Variants in EDIL3 observed in about 807,000 individuals in gnomAD.
EDIL3 encodes EGF-like repeat and discoidin I-like domain-containing protein 3.
In EDIL3, 37 loss-of-function variants were observed where a neutral mutation model predicts 67.4. The ratio of observed to expected loss-of-function variants is 0.55; its 90% CI spans 0.42 to 0.72. The LOEUF (loss-of-function observed/expected upper bound fraction) is 0.72, where lower values mean the gene tolerates loss of function less well. EDIL3 is among the 30% of genes least tolerant of loss of function. The pLI is 0.00. For missense variants in EDIL3, 527 were observed against 586.3 expected (o/e 0.90, Z 1.04); for synonymous variants, 195 against 196.3 (o/e 0.99, Z 0.05).
At chr5:84,340,908 A>G (rs925609319) in intron 1 of EDIL3, among the ~76,000 whole-genome samples, 6 of 151,644 alleles carry the variant, frequency 4.0e-5, no homozygotes, top group African/African-American at 1.5e-4. Flanking sequence ...TTTGTTGCAT[A>G]CATGCCTCAA....
At chr5:84,364,614 A>C (rs1051433879) in intron 1 of EDIL3, among the ~76,000 whole-genome samples, 1 of 152,112 alleles carries the variant, frequency 6.6e-6, no homozygotes. Flanking sequence ...ATAATCCTAA[A>C]TCTGCACATT....
At chr5:84,261,387 T>C (rs1745220068) in intron 1 of EDIL3, among the ~76,000 whole-genome samples, 1 of 152,208 alleles carries the variant, frequency 6.6e-6, no homozygotes, top group Non-Finnish European at 1.5e-5. Context: ...AATATTGATA[T>C]TTCACTTGTT....
intron 1 of EDIL3, among the ~76,000 whole-genome samples, chr5:84,329,897 G>A (rs1746837159): frequency 6.6e-6 from 1 of 151,980 alleles, no homozygotes; most frequent in South Asian, 2.1e-4. Context: ...GAATTATCAG[G>A]CAACCTGTCC....
intron 8 of EDIL3, among the ~76,000 whole-genome samples, chr5:84,061,462 T>G (rs1746540501): frequency 6.6e-6 from 1 of 152,146 alleles, no homozygotes; most frequent in Non-Finnish European, 1.5e-5. Context: ...GTCTTCTTTA[T>G]GTGAAACTGT....
chr5:84,315,519 G>A (rs138022693), intron 1 of EDIL3, among the ~76,000 whole-genome samples: 2 of 152,236 alleles, frequency 1.3e-5, no homozygotes, highest in Non-Finnish European at 1.5e-5. Flanking sequence ...ACACCTCATT[G>A]ATTTTAGCGT....
At chr5:84,242,531 C>T (rs1193404697) in intron 2 of EDIL3, among the ~76,000 whole-genome samples, 1 of 152,004 alleles carries the variant, frequency 6.6e-6, no homozygotes, top group Non-Finnish European at 1.5e-5. Context: ...GGTGCTGTGG[C>T]TCATGCCTGT....
intron 9 of EDIL3, among the ~76,000 whole-genome samples, chr5:83,988,319 T>A (rs1745091485): frequency 1.3e-5 from 2 of 152,188 alleles, no homozygotes; most frequent in Admixed American, 1.3e-4. Flanking sequence ...AGGCAACTTC[T>A]TTTTGAAAGA....
In EDIL3 at chr5:84,246,426, C is replaced by T. The variant is rs114314818; in HGVS notation, c.196+7658G>A. On this transcript the variant is annotated intron_variant, in intron 2 of 10. Coordinates refer to ENST00000296591, the MANE Select transcript of EDIL3 (RefSeq NM_005711.5). Reference sequence around the variant, plus strand: ...GTGCAACAAAGACGTAAAAGATGTTCCAGAGATGAATATCCACTTAGCTGT... The same window carrying T: ...GTGCAACAAAGACGTAAAAGATGTTTCAGAGATGAATATCCACTTAGCTGT... Among the ~76,000 whole-genome samples the T allele has an allele frequency of 7.9e-3, 1,204 of 152,300 alleles. 10 individuals are homozygous for T. The highest frequency in any genetic ancestry group is 0.019 in the South Asian group (92 of 4,828).
chr5:84,019,324 T>C (rs1580282214), intron 9 of EDIL3, among the ~76,000 whole-genome samples: 1 of 151,214 alleles, frequency 6.6e-6, no homozygotes, highest in East Asian at 2.0e-4. Context: ...ATGTTCTCAC[T>C]CATAGGTGGG....
intron 1 of EDIL3, among the ~76,000 whole-genome samples, chr5:84,291,147 G>T (rs1284513622): frequency 1.3e-5 from 2 of 152,166 alleles, no homozygotes; most frequent in Non-Finnish European, 2.9e-5. Flanking sequence ...GTAGCTGCTT[G>T]TCAAATTGAA....
At chr5:84,041,530 G>A (rs1746121500) in intron 9 of EDIL3, among the ~76,000 whole-genome samples, 1 of 147,082 alleles carries the variant, frequency 6.8e-6, no homozygotes. Flanking sequence ...ACAGCTTGTA[G>A]AAAATGTGTG....
At chr5:84,175,634 G>T (rs1203420461) in intron 4 of EDIL3, among the ~76,000 whole-genome samples, 1 of 152,094 alleles carries the variant, frequency 6.6e-6, no homozygotes, top group Non-Finnish European at 1.5e-5. Flanking sequence ...GAAACCTTAG[G>T]CACAGATCCA....
chr5:84,222,634 T>C (rs549061782), intron 3 of EDIL3, among the ~76,000 whole-genome samples: 96 of 152,046 alleles, frequency 6.3e-4, no homozygotes, highest in African/African-American at 2.2e-3. Context: ...CTTTTGTATT[T>C]TGATGTTTTA....
intron 5 of EDIL3, among the ~76,000 whole-genome samples, chr5:84,132,416 A>ATATATAATATATATTTTAATATATT (rs1747996482): frequency 2.5e-5 from 3 of 117,962 alleles, no homozygotes; most frequent in South Asian, 4.6e-4. Flanking sequence ...TTTAACATAT[A>ATATATAATATATATTTTAATATATT]TTATATATTT....
chr5:84,183,471 T>A (rs890986294), intron 3 of EDIL3, among the ~76,000 whole-genome samples: 2 of 152,014 alleles, frequency 1.3e-5, no homozygotes, highest in African/African-American at 4.8e-5. Flanking sequence ...ATATAAATAA[T>A]TACAGTCAAA....
intron 1 of EDIL3, among the ~76,000 whole-genome samples, chr5:84,360,984 CAT>C (rs1321927667): frequency 2.0e-5 from 3 of 151,904 alleles, no homozygotes; most frequent in Non-Finnish European, 4.4e-5. Context: ...CACCATATAA[CAT>C]ATTAAATATT....
intron 3 of EDIL3, among the ~76,000 whole-genome samples, chr5:84,203,466 A>G (rs1274255581): frequency 2.0e-5 from 3 of 152,188 alleles, no homozygotes; most frequent in Non-Finnish European, 4.4e-5. Flanking sequence ...AATTGCTCTC[A>G]AAAGGAATCT....
At chr5:84,191,124 T>C (rs1743576822) in intron 3 of EDIL3, among the ~76,000 whole-genome samples, 1 of 152,068 alleles carries the variant, frequency 6.6e-6, no homozygotes, top group Admixed American at 6.6e-5. Flanking sequence ...TAATTCTCTT[T>C]GTTGAATGTT....
At chr5:84,185,485 C>G (rs1401856146) in intron 3 of EDIL3, among the ~76,000 whole-genome samples, 1 of 152,004 alleles carries the variant, frequency 6.6e-6, no homozygotes, top group East Asian at 1.9e-4. Flanking sequence ...CCTACTAGAC[C>G]ATAAATTCTG....
Sources: gnomAD v4.1 joint callset for allele counts (sites outside exome capture counted in the v4.1 genomes callset) on GRCh38, gnomAD v4.1.1 for gene constraint, MANE v1.5 for transcripts, NCBI Gene and HGNC (gene_info 2026-07-23, HGNC 2026-07-21) for gene names.